Variants in DACH1 observed in about 807,000 individuals in gnomAD.
DACH1 encodes dachshund family transcription factor 1, also known as dachshund homolog 1.
DACH1 carries 12 observed loss-of-function variants against 54.2 expected under a neutral mutation model. That is an observed-to-expected ratio of 0.22 (90% CI 0.14 to 0.36). The LOEUF is 0.36. Among genes scored for constraint, DACH1 ranks in the 10% least tolerant of loss-of-function variants. The pLI, the probability that DACH1 is intolerant of heterozygous loss-of-function variation, is 1.00. For synonymous variants in DACH1, 386 were observed against 366.2 expected (o/e 1.05, Z -0.62); for missense variants, 805 against 929.8 (o/e 0.87, Z 1.75).
chr13:71,657,403 G>A (rs559280370), intron 2 of DACH1, among the ~76,000 whole-genome samples: 1 of 151,896 alleles, frequency 6.6e-6, no homozygotes, highest in East Asian at 2.0e-4. Context: ...GAGATGGGAG[G>A]ATTGCTAGAG....
intron 7 of DACH1, among the ~76,000 whole-genome samples, chr13:71,481,751 A>T (rs148881814): frequency 5.8e-4 from 89 of 152,316 alleles, no homozygotes; most frequent in African/African-American, 2.1e-3. Context: ...CAGAAAACGG[A>T]TTAAATTTCA....
intron 1 of DACH1, among the ~76,000 whole-genome samples, chr13:71,785,441 G>T (rs1886552120): frequency 6.6e-6 from 1 of 152,174 alleles, no homozygotes; most frequent in African/African-American, 2.4e-5. Context: ...TTAGAGTTTA[G>T]AAAATTCCCT....
At chr13:71,772,410 T>C (rs1473023632) in intron 1 of DACH1, among the ~76,000 whole-genome samples, 49 of 151,712 alleles carry the variant, frequency 3.2e-4, no homozygotes, top group Non-Finnish European at 1.5e-5. Flanking sequence ...GAGAGCTTTT[T>C]TTCACCAGGC....
At chr13:71,585,515 G>T (rs568159968) in intron 3 of DACH1, among the ~76,000 whole-genome samples, 291 of 152,170 alleles carry the variant, frequency 1.9e-3, no homozygotes, top group Non-Finnish European at 3.2e-3. Context: ...TCCTCTCCAC[G>T]GCACAACAGC....
intron 10 of DACH1, among the ~76,000 whole-genome samples, chr13:71,447,321 GAGAC>G (rs139261921): frequency 0.027 from 4,172 of 152,224 alleles, 193 homozygotes; most frequent in African/African-American, 0.094. Context: ...TGTGTCTGAG[GAGAC>G]AGACAGGAGA....
At chr13:71,804,831 A>C (rs1165364083) in intron 1 of DACH1, among the ~76,000 whole-genome samples, 4 of 152,146 alleles carry the variant, frequency 2.6e-5, no homozygotes, top group Non-Finnish European at 4.4e-5. Flanking sequence ...AATCTTTTTC[A>C]ACATCCTGAC....
intron 3 of DACH1, among the ~76,000 whole-genome samples, chr13:71,592,251 C>A (rs1873762070): frequency 6.6e-6 from 1 of 151,688 alleles, no homozygotes; most frequent in South Asian, 2.1e-4. Flanking sequence ...ATGGCTCATG[C>A]CTGTAATCTC....
At chr13:71,535,132 A>T (rs1050112885) in intron 6 of DACH1, among the ~76,000 whole-genome samples, 1 of 151,788 alleles carries the variant, frequency 6.6e-6, no homozygotes, top group African/African-American at 2.4e-5. Flanking sequence ...TAAGATAGAA[A>T]AATAATACTT....
intron 1 of DACH1, among the ~76,000 whole-genome samples, chr13:71,694,383 ATGT>A (rs1394292732): frequency 7.9e-5 from 12 of 152,294 alleles, no homozygotes; most frequent in African/African-American, 2.9e-4. Context: ...TGAAAAGGTG[ATGT>A]TAAGATAGAC....
At chr13:71,516,554 A>G (rs1331956452) in intron 6 of DACH1, among the ~76,000 whole-genome samples, 1 of 151,878 alleles carries the variant, frequency 6.6e-6, no homozygotes, top group Non-Finnish European at 1.5e-5. Flanking sequence ...CCCCCACCTT[A>G]AAACACATAT....
chr13:71,527,574 C>T (rs1258358019), intron 6 of DACH1, among the ~76,000 whole-genome samples: 1 of 152,130 alleles, frequency 6.6e-6, no homozygotes, highest in African/African-American at 2.4e-5. Flanking sequence ...TCTTCCGTAT[C>T]GGTCCTTCAT....
At chr13:71,686,851 CCATT>C (rs907397642) in intron 1 of DACH1, among the ~76,000 whole-genome samples, 2 of 152,142 alleles carry the variant, frequency 1.3e-5, no homozygotes, top group African/African-American at 4.8e-5. Context: ...TTCCATTCAA[CCATT>C]CATTCATTCA....
At chr13:71,737,889 G>A (rs911279222) in intron 1 of DACH1, among the ~76,000 whole-genome samples, 3 of 152,136 alleles carry the variant, frequency 2.0e-5, no homozygotes, top group East Asian at 1.9e-4. Flanking sequence ...AAATATGAAA[G>A]CCTGGTTAGC....
chr13:71,540,816 A>T (rs527296471), intron 6 of DACH1, among the ~76,000 whole-genome samples: 94 of 152,108 alleles, frequency 6.2e-4, no homozygotes, highest in Middle Eastern at 3.5e-3. Flanking sequence ...ACTCAACTTC[A>T]ACTTCTATAA....
chr13:71,487,470 A>G (rs902726022), intron 7 of DACH1, among the ~76,000 whole-genome samples: 1 of 151,792 alleles, frequency 6.6e-6, no homozygotes, highest in Non-Finnish European at 1.5e-5. Context: ...TGTGGATAAC[A>G]TTCCTAATCT....
intron 2 of DACH1, among the ~76,000 whole-genome samples, chr13:71,655,459 C>T (rs1462642839): frequency 6.6e-6 from 1 of 151,198 alleles, no homozygotes; most frequent in African/African-American, 2.4e-5. Flanking sequence ...CAACCTCTGC[C>T]TCCCAGGTTC....
At chr13:71,567,938 A>G (rs955417250) in intron 4 of DACH1, among the ~76,000 whole-genome samples, 6 of 152,072 alleles carry the variant, frequency 3.9e-5, no homozygotes, top group African/African-American at 1.4e-4. Flanking sequence ...GGGTTACATA[A>G]TGAATGATAC....
chr13:71,500,799 C>G (rs529332379), intron 6 of DACH1, among the ~76,000 whole-genome samples: 2 of 151,910 alleles, frequency 1.3e-5, no homozygotes, highest in South Asian at 4.2e-4. Context: ...TTTTCTCTCA[C>G]TCAAACTTCT....
chr13:71,819,906 A>C (rs1017810313), intron 1 of DACH1, among the ~76,000 whole-genome samples: 1 of 151,972 alleles, frequency 6.6e-6, no homozygotes, highest in Non-Finnish European at 1.5e-5. Flanking sequence ...TACTCGGGGG[A>C]GAAGATGTGG....
Sources: allele counts gnomAD v4.1 joint callset (sites outside exome capture counted in the v4.1 genomes callset), GRCh38; gene constraint gnomAD v4.1.1; transcripts MANE v1.5; gene names NCBI Gene and HGNC (gene_info 2026-07-23, HGNC 2026-07-21).